Variants in PTPRM observed in about 807,000 individuals in gnomAD.
PTPRM encodes the protein receptor-type tyrosine-protein phosphatase mu.
Under a neutral mutation model 186.7 loss-of-function variants are expected in PTPRM, and 47 were observed. The observed-to-expected ratio is 0.25, with a 90% CI of 0.20 to 0.32. PTPRM has a LOEUF of 0.32. Among genes scored for constraint, PTPRM ranks in the 10% least tolerant of loss-of-function variants. The pLI is 1.00. For missense variants in PTPRM, 1,494 were observed against 1,865.0 expected, an observed-to-expected ratio of 0.80 and a Z score of 3.66; for synonymous variants, 668 against 674.9, an observed-to-expected ratio of 0.99 and a Z score of 0.16.
At chr18:8,056,754 A>C (rs1232941820) in intron 7 of PTPRM, among the ~76,000 whole-genome samples, 2 of 150,938 alleles carry the variant, frequency 1.3e-5, no homozygotes, top group Non-Finnish European at 3.0e-5. Context: ...TTTTTAGCAA[A>C]AAAAAAAAAA....
At chr18:7,726,734 A>G (rs1465582574) in intron 1 of PTPRM, among the ~76,000 whole-genome samples, 4 of 152,220 alleles carry the variant, frequency 2.6e-5, no homozygotes, top group African/African-American at 9.6e-5. Context: ...CTGGACTGTA[A>G]TGTGACTTCC....
At chr18:7,591,498 C>T (rs1448405571) in intron 1 of PTPRM, among the ~76,000 whole-genome samples, 2 of 152,118 alleles carry the variant, frequency 1.3e-5, no homozygotes, top group Non-Finnish European at 2.9e-5. Context: ...ACTACAAGTT[C>T]AGAAGTATTC....
intron 11 of PTPRM, among the ~76,000 whole-genome samples, chr18:8,112,533 T>C (rs981817368): frequency 6.6e-6 from 1 of 152,248 alleles, no homozygotes; most frequent in African/African-American, 2.4e-5. Flanking sequence ...GCCAGAGGAC[T>C]TAAAATCTAA....
intron 7 of PTPRM, among the ~76,000 whole-genome samples, chr18:7,981,820 T>C (rs1403184316): frequency 1.3e-5 from 2 of 152,208 alleles, no homozygotes; most frequent in East Asian, 3.8e-4. Context: ...TGTTACTGTA[T>C]TGAATGCTGT....
intron 4 of PTPRM, among the ~76,000 whole-genome samples, chr18:7,914,893 G>A (rs2050465722): frequency 6.6e-6 from 1 of 152,070 alleles, no homozygotes; most frequent in African/African-American, 2.4e-5. Flanking sequence ...TCTGGTGGTT[G>A]GGCATGCATC....
At chr18:8,073,642 C>T (rs372426032) in intron 8 of PTPRM, among the ~76,000 whole-genome samples, 2 of 152,128 alleles carry the variant, frequency 1.3e-5, no homozygotes, top group South Asian at 2.1e-4. Context: ...GTAACTCATG[C>T]CTATAATCCC....
intron 13 of PTPRM, among the ~76,000 whole-genome samples, chr18:8,139,252 A>G (rs1440008089): frequency 6.6e-6 from 1 of 152,162 alleles, no homozygotes; most frequent in Non-Finnish European, 1.5e-5. Context: ...GACTCCTGCC[A>G]GAAATCTGGT....
chr18:7,578,782 G>T (rs1259549242), intron 1 of PTPRM, among the ~76,000 whole-genome samples: 1 of 152,080 alleles, frequency 6.6e-6, no homozygotes, highest in African/African-American at 2.4e-5. Flanking sequence ...CCTCCTTGCA[G>T]AGTTATTGCA....
At chr18:7,996,683 C>T (rs1480600049) in intron 7 of PTPRM, among the ~76,000 whole-genome samples, 1 of 151,436 alleles carries the variant, frequency 6.6e-6, no homozygotes, top group Non-Finnish European at 1.5e-5. Context: ...TAATCAATTT[C>T]AATAATGATG....
chr18:8,149,588 C>G (rs1320940148), intron 14 of PTPRM, among the ~76,000 whole-genome samples: 2 of 152,066 alleles, frequency 1.3e-5, no homozygotes, highest in African/African-American at 2.4e-5. Context: ...ACTGATGGGT[C>G]TTGACTCTAT....
chr18:7,760,421 C>T (rs762595534), intron 1 of PTPRM, among the ~76,000 whole-genome samples: 3 of 152,144 alleles, frequency 2.0e-5, no homozygotes, highest in Non-Finnish European at 4.4e-5. Context: ...GCCCACAGTA[C>T]ACCAACTTTT....
At chr18:8,313,115 C>A (rs1282540579) in intron 20 of PTPRM, among the ~76,000 whole-genome samples, 2 of 152,146 alleles carry the variant, frequency 1.3e-5, no homozygotes, top group African/African-American at 4.8e-5. Flanking sequence ...TCTGCAGCTC[C>A]CCTGGCTTTT....
At chr18:7,701,795 G>T (rs1465501218) in intron 1 of PTPRM, among the ~76,000 whole-genome samples, 1 of 151,980 alleles carries the variant, frequency 6.6e-6, no homozygotes, top group Non-Finnish European at 1.5e-5. Context: ...TGCCATGGTG[G>T]TTTGCTGCAC....
At chr18:8,126,027 A>ATATATATATATTTTT (rs57751538) in intron 13 of PTPRM, among the ~76,000 whole-genome samples, 36 of 69,512 alleles carry the variant, frequency 5.2e-4, no homozygotes, top group Non-Finnish European at 7.6e-4. Context: ...ATATATATAT[A>ATATATATATATTTTT]TTTTAAATCA....
chr18:7,596,696 C>T (rs759757828), intron 1 of PTPRM, among the ~76,000 whole-genome samples: 121 of 152,062 alleles, frequency 8.0e-4, no homozygotes, highest in Middle Eastern at 6.3e-3. Flanking sequence ...TTTTGGGGTA[C>T]AAGGGGGGAC....
intron 1 of PTPRM, among the ~76,000 whole-genome samples, chr18:7,682,186 G>C (rs1243698459): frequency 6.6e-6 from 1 of 152,142 alleles, no homozygotes; most frequent in Non-Finnish European, 1.5e-5. Flanking sequence ...TAACCTGCAG[G>C]CTAGATTTTA....
At chr18:8,387,462 C>G (rs1423247232) in intron 31 of PTPRM, among the ~76,000 whole-genome samples, 3 of 149,522 alleles carry the variant, frequency 2.0e-5, no homozygotes, top group African/African-American at 7.4e-5. Flanking sequence ...AAGCACTGAC[C>G]GTTTCATTAG....
chr18:7,656,682 A>G lies in PTPRM; in HGVS notation c.73+88791A>G, dbSNP rs555229487. ...TTTTAGGGTAGTGAAACCCTTCTGT[A>G]TGATGTTGTGATGGTGAATATGTGA... On this transcript the variant is annotated intron_variant, in intron 1 of 32. Coordinates refer to ENST00000580170, the MANE Select transcript of PTPRM (RefSeq NM_001105244.2). Among the ~76,000 whole-genome samples the G allele has an allele frequency of 2.0e-5, 3 of 152,284 alleles. No individual in the cohort carries two copies. In the East Asian group the frequency reaches 5.8e-4, roughly 29 times the overall value.
At chr18:8,223,335 T>TA (rs2094176562) in intron 14 of PTPRM, among the ~76,000 whole-genome samples, 1 of 152,208 alleles carries the variant, frequency 6.6e-6, no homozygotes, top group South Asian at 2.1e-4. Flanking sequence ...TCTTGTGTCT[T>TA]ATCAAAATGA....
Sources: gnomAD v4.1 joint callset for allele counts (sites outside exome capture counted in the v4.1 genomes callset) on GRCh38, gnomAD v4.1.1 for gene constraint, MANE v1.5 for transcripts, NCBI Gene and HGNC (gene_info 2026-07-23, HGNC 2026-07-21) for gene names.